ARCN1: variants seen among roughly 807,000 people sequenced by gnomAD.
ARCN1 encodes the protein coatomer subunit delta.
Under a neutral mutation model 60.4 loss-of-function variants are expected in ARCN1, and 5 were observed. The observed-to-expected ratio is 0.08, with a 90% CI of 0.04 to 0.17. The LOEUF (loss-of-function observed/expected upper bound fraction) is 0.17. Ranked by LOEUF, ARCN1 falls within the 10% of genes least tolerant of loss-of-function variation. ARCN1 has a pLI of 1.00. For missense variants in ARCN1, 464 were observed against 626.5 expected, an observed-to-expected ratio of 0.74 and a Z score of 2.77; for synonymous variants, 224 against 220.0, an observed-to-expected ratio of 1.02 and a Z score of -0.16.
intron 9 of ARCN1, among the ~76,000 whole-genome samples, chr11:118,598,486 G>A (rs1214217080): frequency 1.4e-5 from 2 of 147,834 alleles, no homozygotes; most frequent in African/African-American, 2.5e-5. Context: ...CTGTTCCTTC[G>A]GATTTTTTTT....
At chr11:118,584,316 T>G (rs1216009134) in intron 4 of ARCN1, among the ~76,000 whole-genome samples, 164 bp from the exon 5 acceptor site, 1 of 152,232 alleles carries the variant, frequency 6.6e-6, no homozygotes, top group Non-Finnish European at 1.5e-5. Context: ...AATCTTGATG[T>G]TCATTGATTG....
Position 118,601,373 on chromosome 11 carries a change from TTAATCCCTAAATA to T in ARCN1, c.*675_*687del, listed in dbSNP as rs1423589314. ...CACCATGCCCAGCTGCTCCTTTATT[TTAATCCCTAAATA>T]TAATCCCTAAATATAGTTATATTTC... On this transcript the variant is annotated 3_prime_UTR_variant, in exon 10 of 10. Transcript: ENST00000264028. The T allele has an allele frequency of 5.6e-5, 29 of 518,602 alleles. No homozygotes were observed. Among genetic ancestry groups the T allele is most frequent in the South Asian group, 2.0e-4 (12 of 60,604 alleles). The allele number at this position is 518,602 out of a possible 1,614,324, so 32.1% of individuals were successfully genotyped here. A position where few individuals can be genotyped will look rare whatever the true frequency, so the allele number is the denominator to read the frequency against.
At chr11:118,583,128 T>C (rs782791455) in intron 2 of ARCN1, 51 bp from the exon 3 acceptor site, 9 of 1,580,636 alleles carry the variant, frequency 5.7e-6, no homozygotes, top group South Asian at 4.5e-5. Context: ...CTTGGAAATA[T>C]AGCTGCTGAT....
chr11:118,584,059 G>GC, intron 4 of ARCN1, 45 bp downstream of exon 4: 1 of 1,549,718 alleles, frequency 6.5e-7, no homozygotes, highest in South Asian at 1.2e-5. Flanking sequence ...GGGTGTATAT[G>GC]TGTCTATCTT....
rs782231699 is a variant in ARCN1, at chr11:118,581,288, A to G, written c.46A>G (p.Ile16Val). The G allele has an allele frequency of 2.0e-5, 32 of 1,614,216 alleles. No homozygotes were observed. The highest frequency in any genetic ancestry group is 4.5e-5 in the East Asian group (2 of 44,892). The change falls in exon 2 of 10, where the codon ATT becomes GTT. Residue 16 changes from isoleucine (I) to valine (V), a missense_variant. Around this residue, in one of 2 missense-constraint regions of ARCN1, gnomAD observed 105 missense variants for 186.3 expected, o/e 0.56. Transcript: ENST00000264028. ...AAVCTKAGKA[I>V]VSRQFVEMTR... ...GGTCTGCACAAAAGCAGGAAAGGCT[A>G]TTGTTTCTCGACAGTTTGTGGAAAT...
At chr11:118,591,812 G>A (rs1555076353) in intron 6 of ARCN1, among the ~76,000 whole-genome samples, 2 of 150,806 alleles carry the variant, frequency 1.3e-5, no homozygotes, top group Admixed American at 6.6e-5. Flanking sequence ...TTGGCTCGCT[G>A]CAGCCTTAAC....
intron 7 of ARCN1, among the ~76,000 whole-genome samples, 196 bp from the exon 8 acceptor site, chr11:118,593,391 CTTT>C (rs57568260): frequency 5.0e-5 from 6 of 120,972 alleles, no homozygotes; most frequent in Non-Finnish European, 5.1e-5. Flanking sequence ...CCACGCCTGG[CTTT>C]TTTTTTTTTT....
At chr11:118,592,046 G>A (rs1177310947) in intron 6 of ARCN1, among the ~76,000 whole-genome samples, 3 of 151,678 alleles carry the variant, frequency 2.0e-5, no homozygotes, top group Admixed American at 6.6e-5. Flanking sequence ...TCAGCCTCTC[G>A]AGTAGGTGGG....
At chr11:118,577,830 G>C (rs1277685261) in intron 1 of ARCN1, among the ~76,000 whole-genome samples, 3 of 152,158 alleles carry the variant, frequency 2.0e-5, no homozygotes, top group African/African-American at 7.2e-5. Context: ...GAGATTACCA[G>C]TACCTATAAT....
chr11:118,581,937 G>GACAGACACAC (rs1555074708), intron 2 of ARCN1, among the ~76,000 whole-genome samples: 4 of 140,704 alleles, frequency 2.8e-5, no homozygotes, highest in African/African-American at 7.8e-5. Context: ...CAGACAGACA[G>GACAGACACAC]ACACACACAC....
chr11:118,581,533 G>C, intron 2 of ARCN1, 24 bp downstream of exon 2: 1 of 1,570,206 alleles, frequency 6.4e-7, no homozygotes, highest in Non-Finnish European at 8.6e-7. Flanking sequence ...TATAATACTG[G>C]GTTCCACTTT....
intron 2 of ARCN1, among the ~76,000 whole-genome samples, chr11:118,581,937 G>GACAGACAGACACACACACACACAC (rs1555074708): frequency 4.8e-4 from 67 of 140,698 alleles, no homozygotes; most frequent in African/African-American, 1.7e-3. Context: ...CAGACAGACA[G>GACAGACAGACACACACACACACAC]ACACACACAC....
intron 1 of ARCN1, among the ~76,000 whole-genome samples, chr11:118,579,880 C>CT (rs1198937589): frequency 6.6e-6 from 1 of 151,956 alleles, no homozygotes; most frequent in African/African-American, 2.4e-5. Flanking sequence ...CTTTTTGAAT[C>CT]ATCAGTTTGG....
rs576670749 is a variant in ARCN1, at chr11:118,597,720, G to T, written c.1255G>T (p.Ala419Ser). 6.2e-7 allele frequency: 1 copy of T among 1,614,080 alleles called. No homozygotes were observed. Among genetic ancestry groups the T allele is most frequent in the South Asian group, 1.1e-5 (1 of 91,056 alleles). The part of the protein sequence containing the change: ...ITIPLPSGVG[A>S]PVIGEIDGEY... ...TTCTCACAACAGGTCTGGTGTCGGC[G>T]CGCCTGTTATCGGTGAGATCGATGG... The change falls in exon 9 of 10, where the codon GCG becomes TCG. Residue 419 changes from alanine to serine, a missense_variant. Physicochemically the swap from Ala to Ser is moderately conservative, Grantham distance 99. Coordinates refer to ENST00000264028, the MANE Select transcript of ARCN1 (RefSeq NM_001655.5).
intron 8 of ARCN1, 53 bp from the exon 9 acceptor site, chr11:118,597,654 G>A: frequency 1.3e-6 from 2 of 1,587,684 alleles, no homozygotes; most frequent in Non-Finnish European, 1.7e-6. Flanking sequence ...GGTTTTCCGT[G>A]GTGGAGTTCT....
At chr11:118,594,583 C>G (rs1938984975) in intron 8 of ARCN1, among the ~76,000 whole-genome samples, 1 of 152,044 alleles carries the variant, frequency 6.6e-6, no homozygotes, top group African/African-American at 2.4e-5. Context: ...GAGTTTCACT[C>G]TTGTTGCCCA....
chr11:118,590,314 A>G (rs1367292979), intron 5 of ARCN1, 27 bp from the exon 6 acceptor site: 7 of 1,599,006 alleles, frequency 4.4e-6, no homozygotes, highest in South Asian at 3.3e-5. Context: ...TACCTTTCTG[A>G]ACAAATGTAT....
Position 118,590,755 on chromosome 11 carries a change from C to G in ARCN1, c.984+249C>G, listed in dbSNP as rs558398476. Among the ~76,000 whole-genome samples the G allele has an allele frequency of 3.9e-5, 6 of 152,258 alleles. No individual in the cohort carries two copies. The South Asian group carries it at 1.2e-3, about 32-fold the overall frequency. The stretch of plus-strand genomic sequence containing the variant: ...GGTCATTTCGAAATCTAATAAATGA[C>G]TTCATACTCACCAATAAAAGGTACA... On this transcript the variant is annotated intron_variant, in intron 6 of 9. Transcript: ENST00000264028.
chr11:118,598,823 G>A (rs538938938), intron 9 of ARCN1, among the ~76,000 whole-genome samples: 89 of 150,454 alleles, frequency 5.9e-4, no homozygotes, highest in Non-Finnish European at 1.2e-3. Context: ...CTGAGACGGA[G>A]TCTTGCTCTG....
Sources: allele counts gnomAD v4.1 joint callset (sites outside exome capture counted in the v4.1 genomes callset), GRCh38; gene constraint gnomAD v4.1.1; regional missense constraint gnomAD v4.1.1; transcripts MANE v1.5; gene names NCBI Gene and HGNC (gene_info 2026-07-23, HGNC 2026-07-21).